The following SCAPER variants were observed in gnomAD, a reference collection of about 807,000 sequenced individuals.
SCAPER encodes the protein S-phase cyclin A associated protein in the ER.
In SCAPER, 98 loss-of-function variants were observed where a neutral mutation model predicts 182.2. The ratio of observed to expected loss-of-function variants is 0.54; its 90% CI spans 0.46 to 0.64. The LOEUF (loss-of-function observed/expected upper bound fraction) is 0.64. Ranked by LOEUF, SCAPER falls within the 30% of genes least tolerant of loss-of-function variation. The pLI is 0.00. For synonymous variants in SCAPER, 605 were observed against 564.6 expected (o/e 1.07, Z -1.01); for missense variants, 1,432 against 1,690.0 (o/e 0.85, Z 2.68).
At chr15:76,710,805 A>C (rs2059522369) in intron 17 of SCAPER, among the ~76,000 whole-genome samples, 1 of 152,142 alleles carries the variant, frequency 6.6e-6, no homozygotes. Flanking sequence ...AGAACAAAGA[A>C]GTTGGAGTAT....
At chr15:76,389,362 A>G (rs1049249475) in intron 27 of SCAPER, among the ~76,000 whole-genome samples, 1 of 150,732 alleles carries the variant, frequency 6.6e-6, no homozygotes, top group Non-Finnish European at 1.5e-5. Flanking sequence ...TTAGCCAGGC[A>G]TGGTGGCATG....
intron 23 of SCAPER, among the ~76,000 whole-genome samples, chr15:76,536,595 C>T (rs1483114376): frequency 6.6e-6 from 1 of 152,060 alleles, no homozygotes; most frequent in Non-Finnish European, 1.5e-5. Context: ...AAATGCAAAC[C>T]CACAGCCAAT....
At chr15:76,674,084 T>C (rs905077610) in intron 20 of SCAPER, among the ~76,000 whole-genome samples, 1 of 152,024 alleles carries the variant, frequency 6.6e-6, no homozygotes, top group Non-Finnish European at 1.5e-5. Context: ...TACACACATA[T>C]TTACAAACTG....
intron 14 of SCAPER, among the ~76,000 whole-genome samples, chr15:76,757,534 T>C (rs1186404417): frequency 6.6e-6 from 1 of 152,126 alleles, no homozygotes; most frequent in Non-Finnish European, 1.5e-5. Flanking sequence ...GTTGTTTCCA[T>C]ATCTTGGCTA....
At chr15:76,862,762 T>C (rs1179392740) in intron 2 of SCAPER, among the ~76,000 whole-genome samples, 3 of 152,086 alleles carry the variant, frequency 2.0e-5, no homozygotes, top group Non-Finnish European at 4.4e-5. Flanking sequence ...ATAAATATAA[T>C]CTAAGGTTTG....
intron 22 of SCAPER, among the ~76,000 whole-genome samples, chr15:76,584,254 T>C (rs533730307): frequency 1.3e-5 from 2 of 150,326 alleles, no homozygotes; most frequent in Admixed American, 1.3e-4. Flanking sequence ...AGTAGATCGA[T>C]GGTTACCAGA....
At chr15:76,765,900 T>G (rs1028894972) in intron 11 of SCAPER, among the ~76,000 whole-genome samples, 1 of 152,208 alleles carries the variant, frequency 6.6e-6, no homozygotes, top group Non-Finnish European at 1.5e-5. Flanking sequence ...GGCCTTATCC[T>G]ATTACTACAT....
chr15:76,758,451 T>C (rs2062580007), intron 14 of SCAPER, among the ~76,000 whole-genome samples: 1 of 152,216 alleles, frequency 6.6e-6, no homozygotes, highest in Non-Finnish European at 1.5e-5. Flanking sequence ...TGTGTGTATG[T>C]TTGTATGCTA....
chr15:76,503,648 C>T (rs115666122), intron 24 of SCAPER, among the ~76,000 whole-genome samples: 16 of 152,196 alleles, frequency 1.1e-4, no homozygotes, highest in Middle Eastern at 3.4e-3. Context: ...AGTAGCACCA[C>T]GAGGTGAATA....
rs974035732 is a variant in SCAPER, at chr15:76,737,811, C to G, written c.1867-4427G>C. ...ACCTTGCACTTTTATGTTATTGAGA[C>G]GGCTTCCTTCCTCAAACCTCAAGAA... On this transcript the variant is annotated intron_variant, in intron 15 of 31. Coordinates refer to ENST00000563290, the MANE Select transcript of SCAPER (RefSeq NM_020843.4). Among the ~76,000 whole-genome samples the G allele has an allele frequency of 2.2e-4, 33 of 152,224 alleles. 1 individual carries two copies. The highest frequency in any genetic ancestry group is 7.3e-5 in the Non-Finnish European group (5 of 68,040).
At chr15:76,406,803 G>C (rs1378455790) in intron 26 of SCAPER, among the ~76,000 whole-genome samples, 2 of 152,238 alleles carry the variant, frequency 1.3e-5, no homozygotes, top group Non-Finnish European at 2.9e-5. Context: ...CATTGTTAAA[G>C]ATGCTACCTG....
intron 1 of SCAPER, among the ~76,000 whole-genome samples, chr15:76,894,310 A>G (rs1048298491): frequency 6.6e-6 from 1 of 152,044 alleles, no homozygotes; most frequent in African/African-American, 2.4e-5. Flanking sequence ...CTGTAATCTC[A>G]GCTAGTCAGG....
At chr15:76,424,800 T>C (rs1311272276) in intron 26 of SCAPER, among the ~76,000 whole-genome samples, 2 of 152,226 alleles carry the variant, frequency 1.3e-5, no homozygotes, top group Admixed American at 6.5e-5. Flanking sequence ...GGAACTCTTG[T>C]AGGGGAGGCC....
Position 76,854,714 on chromosome 15 carries a change from C to T in SCAPER, c.195+3095G>A, listed in dbSNP as rs548008709. 7.3e-5 allele frequency among the ~76,000 whole-genome samples: 11 copies of T among 150,456 alleles called. No homozygotes were observed. In the East Asian group the frequency reaches 2.2e-3, roughly 30 times the overall value. On this transcript the variant is annotated intron_variant, in intron 4 of 31. Coordinates refer to ENST00000563290, the MANE Select transcript of SCAPER (RefSeq NM_020843.4). ...GTAGCTCACACCTGTAATCCCAGCA[C>T]TTTGGGAGGCCAAGGCAGGTGGATC...
chr15:76,740,735 A>G (rs1307340703), intron 15 of SCAPER, among the ~76,000 whole-genome samples: 2 of 152,182 alleles, frequency 1.3e-5, no homozygotes, highest in African/African-American at 2.4e-5. Flanking sequence ...CCAGCAAACC[A>G]AAAGATAAAA....
At position 76,464,145 on chromosome 15, in the gene SCAPER, G is replaced by A. The variant is rs2049409027; in HGVS notation, c.3078+7067C>T. The stretch of plus-strand genomic sequence containing the variant: ...CTTTTTCATCTCACTTGACTGAAAC[G>A]CTAAACCTATTAAACAACTCTGCTT... On this transcript the variant is annotated intron_variant, in intron 25 of 31. Transcript: ENST00000563290. Among the ~76,000 whole-genome samples, 6 of 150,970 alleles carry A rather than the reference G, an allele frequency of 4.0e-5. No individual in the cohort carries two copies. The Admixed American group carries it at 4.0e-4, about 10-fold the overall frequency.
intron 23 of SCAPER, among the ~76,000 whole-genome samples, chr15:76,544,241 C>T (rs1423303162): frequency 6.6e-6 from 1 of 152,098 alleles, no homozygotes; most frequent in Non-Finnish European, 1.5e-5. Flanking sequence ...GAAACAGGTG[C>T]TTTGGAAAAA....
intron 24 of SCAPER, among the ~76,000 whole-genome samples, chr15:76,488,878 A>T (rs978304076): frequency 6.6e-6 from 1 of 151,190 alleles, no homozygotes; most frequent in Non-Finnish European, 1.5e-5. Flanking sequence ...GCGCATGACC[A>T]CACCCAGCTA....
intron 8 of SCAPER, among the ~76,000 whole-genome samples, chr15:76,778,659 G>C (rs1187731931): frequency 2.6e-5 from 4 of 151,964 alleles, no homozygotes; most frequent in Admixed American, 1.3e-4. Flanking sequence ...GTGTGTGTGT[G>C]TGTGTGTATG....
Sources: gnomAD v4.1 joint callset for allele counts (sites outside exome capture counted in the v4.1 genomes callset) on GRCh38, gnomAD v4.1.1 for gene constraint, MANE v1.5 for transcripts, NCBI Gene and HGNC (gene_info 2026-07-23, HGNC 2026-07-21) for gene names.